Variants in ATG7 observed in about 807,000 individuals in gnomAD.
The protein encoded by ATG7 is autophagy related 7, also known as ubiquitin-like modifier-activating enzyme ATG7.
ATG7 carries 70 observed loss-of-function variants against 82.4 expected under a neutral mutation model. The observed-to-expected ratio is 0.85, with a 90% CI of 0.70 to 1.04. The LOEUF (loss-of-function observed/expected upper bound fraction) is 1.04, where lower values mean the gene tolerates loss of function less well. Among genes scored for constraint, ATG7 ranks in the 50% least tolerant of loss-of-function variants. The pLI, the probability that ATG7 is intolerant of heterozygous loss-of-function variation, is 0.00. For missense variants in ATG7, 792 were observed against 864.3 expected, an observed-to-expected ratio of 0.92 and a Z score of 1.05; for synonymous variants, 287 against 313.0, an observed-to-expected ratio of 0.92 and a Z score of 0.88.
intron 8 of ATG7, among the ~76,000 whole-genome samples, chr3:11,314,917 T>C (rs898748317): frequency 6.6e-6 from 1 of 152,192 alleles, no homozygotes; most frequent in African/African-American, 2.4e-5. Context: ...AGCAAGACCC[T>C]GTCTCAAAAA....
At chr3:11,351,011 G>C (rs1559450462) in intron 14 of ATG7, among the ~76,000 whole-genome samples, 1 of 150,630 alleles carries the variant, frequency 6.6e-6, no homozygotes, top group Admixed American at 6.6e-5. Flanking sequence ...GACAGACCTG[G>C]CTTTGAACCT....
At chr3:11,388,729 C>T (rs969319300) in intron 19 of ATG7, among the ~76,000 whole-genome samples, 3 of 151,960 alleles carry the variant, frequency 2.0e-5, no homozygotes, top group South Asian at 2.1e-4. Context: ...CGCCAGGCCC[C>T]TTCTTTCTTT....
At chr3:11,311,895 CAT>C (rs1420190986) in intron 7 of ATG7, among the ~76,000 whole-genome samples, 2 of 150,852 alleles carry the variant, frequency 1.3e-5, no homozygotes, top group Non-Finnish European at 2.9e-5. Context: ...CATCTGTACA[CAT>C]GATTACATAT....
intron 20 of ATG7, among the ~76,000 whole-genome samples, chr3:11,459,063 C>G (rs756714845): frequency 6.6e-6 from 1 of 151,862 alleles, no homozygotes; most frequent in Admixed American, 6.6e-5. Context: ...AGACTGGTCC[C>G]TGGTGTCAGA....
At position 11,360,762 on chromosome 3, in the gene ATG7, A is replaced by G. The variant is rs975417304; in HGVS notation, c.1661A>G (p.Asn554Ser). ...TACAAGCTTGGCTGCTACTTCTGCA[A>G]TGATGTGGTGGCCCCAGGAGATGTA... ...PGYKLGCYFC[N>S]DVVAPGDSTR... Residue 554 changes from asparagine to serine, a missense_variant, in exon 16 of 21, where the codon AAT becomes AGT. Coordinates refer to ENST00000693202, the MANE Select transcript of ATG7 (RefSeq NM_001349232.2). 5.0e-6 allele frequency: 8 copies of G among 1,614,080 alleles called. No homozygotes were observed. The highest frequency in any genetic ancestry group is 1.6e-4 in the Middle Eastern group (1 of 6,076).
At chr3:11,351,775 T>TA (rs2075564804) in intron 14 of ATG7, among the ~76,000 whole-genome samples, 1 of 151,976 alleles carries the variant, frequency 6.6e-6, no homozygotes, top group South Asian at 2.1e-4. Flanking sequence ...TCATGAAAAA[T>TA]ACTTGCGAAA....
intron 20 of ATG7, among the ~76,000 whole-genome samples, chr3:11,475,378 C>T (rs2088036496): frequency 6.6e-6 from 1 of 152,118 alleles, no homozygotes; most frequent in Non-Finnish European, 1.5e-5. Context: ...AGGTTCTGAG[C>T]ATTCCTTAGT....
At chr3:11,306,605 T>C (rs1277456489) in intron 5 of ATG7, among the ~76,000 whole-genome samples, 3 of 152,180 alleles carry the variant, frequency 2.0e-5, no homozygotes, top group Non-Finnish European at 4.4e-5. Context: ...AGAGCTGTTA[T>C]GAGAATTCAA....
At chr3:11,442,163 C>T (rs772085225) in intron 20 of ATG7, among the ~76,000 whole-genome samples, 4 of 152,118 alleles carry the variant, frequency 2.6e-5, no homozygotes, top group African/African-American at 9.7e-5. Context: ...GTACCATGAT[C>T]GCTAGGCTGA....
At chr3:11,454,041 C>T (rs935720926) in intron 20 of ATG7, among the ~76,000 whole-genome samples, 1 of 152,190 alleles carries the variant, frequency 6.6e-6, no homozygotes, top group Admixed American at 6.5e-5. Context: ...CTGAGCTTTT[C>T]TTTTTAGATA....
At chr3:11,474,771 CAT>C (rs1421380848) in intron 20 of ATG7, among the ~76,000 whole-genome samples, 1 of 152,102 alleles carries the variant, frequency 6.6e-6, no homozygotes, top group Non-Finnish European at 1.5e-5. Context: ...AGGAGCCAGA[CAT>C]GTGAGGAGCT....
intron 20 of ATG7, among the ~76,000 whole-genome samples, chr3:11,527,907 C>T (rs1188649643): frequency 6.6e-6 from 1 of 152,194 alleles, no homozygotes; most frequent in East Asian, 1.9e-4. Flanking sequence ...TGACTACAAA[C>T]ACAGTAATGT....
At chr3:11,549,113 A>G (rs1359390303) in intron 20 of ATG7, among the ~76,000 whole-genome samples, 1 of 152,040 alleles carries the variant, frequency 6.6e-6, no homozygotes, top group Admixed American at 6.5e-5. Flanking sequence ...ACAATGAAAT[A>G]CACCCACTTT....
intron 1 of ATG7, among the ~76,000 whole-genome samples, chr3:11,279,457 G>A (rs1052371001): frequency 1.1e-4 from 17 of 152,262 alleles, no homozygotes; most frequent in Middle Eastern, 6.8e-3. Context: ...AGGCCGAGGC[G>A]GGTGGATCAC....
chr3:11,444,227 A>G (rs2084300001), intron 20 of ATG7, among the ~76,000 whole-genome samples: 1 of 152,208 alleles, frequency 6.6e-6, no homozygotes, highest in Non-Finnish European at 1.5e-5. Flanking sequence ...TTCTAGTCTC[A>G]GATTATAATG....
chr3:11,386,809 A>T (rs899095408), intron 19 of ATG7, among the ~76,000 whole-genome samples: 2 of 152,210 alleles, frequency 1.3e-5, no homozygotes, highest in African/African-American at 4.8e-5. Flanking sequence ...TGTCCTTAGC[A>T]ACTAGTGTTT....
rs1466719675 is a variant in ATG7, at chr3:11,556,355, C to T, written c.*1512C>T. The T allele has an allele frequency of 1.3e-5, 2 of 152,764 alleles. No individual in the cohort carries two copies. Among genetic ancestry groups the T allele is most frequent in the Non-Finnish European group, 2.9e-5 (2 of 68,106 alleles). 9.5% of individuals were successfully genotyped at this position (152,764 alleles called of 1,614,324 possible). A position where few individuals can be genotyped will look rare whatever the true frequency, so the allele number is the denominator to read the frequency against. ...GCCCCCCTCCAGGGTACTGCCTATC[C>T]CAGATAGGTCAGTGCACCAGGGACC... On this transcript the variant is annotated 3_prime_UTR_variant, in exon 21 of 21. Coordinates refer to ENST00000693202, the MANE Select transcript of ATG7 (RefSeq NM_001349232.2).
chr3:11,368,250 A>AG (rs1382762785), intron 18 of ATG7, among the ~76,000 whole-genome samples: 10 of 150,228 alleles, frequency 6.7e-5, no homozygotes, highest in African/African-American at 1.7e-4. Flanking sequence ...AAAAAAAAAA[A>AG]AAGAAGAAGA....
At chr3:11,455,268 T>C (rs1387419261) in intron 20 of ATG7, among the ~76,000 whole-genome samples, 1 of 152,318 alleles carries the variant, frequency 6.6e-6, no homozygotes, top group African/African-American at 2.4e-5. Flanking sequence ...ACTACAGTAG[T>C]AAAGTCCTAA....
Sources: gnomAD v4.1 joint callset for allele counts (sites outside exome capture counted in the v4.1 genomes callset) on GRCh38, gnomAD v4.1.1 for gene constraint, MANE v1.5 for transcripts, NCBI Gene and HGNC (gene_info 2026-07-23, HGNC 2026-07-21) for gene names.